NRXN3: variants seen among roughly 807,000 people sequenced by gnomAD.
The protein encoded by NRXN3 is neurexin III.
NRXN3 carries 32 observed loss-of-function variants against 137.6 expected under a neutral mutation model. The ratio of observed to expected loss-of-function variants is 0.23; its 90% confidence interval spans 0.18 to 0.31. The LOEUF (loss-of-function observed/expected upper bound fraction) is 0.31. NRXN3 is among the 10% of genes least tolerant of loss of function. The pLI is 1.00. For missense variants in NRXN3, 1,574 were observed against 2,062.5 expected, an observed-to-expected ratio of 0.76 and a Z score of 4.59; for synonymous variants, 798 against 784.5, an observed-to-expected ratio of 1.02 and a Z score of -0.29.
chr14:78,604,273 C>G (rs2097227307), intron 4 of NRXN3, among the ~76,000 whole-genome samples: 1 of 151,176 alleles, frequency 6.6e-6, no homozygotes, highest in South Asian at 2.1e-4. Flanking sequence ...GGGACACAGC[C>G]AAACCATGTC....
intron 4 of NRXN3, among the ~76,000 whole-genome samples, chr14:78,395,818 G>T (rs914100130): frequency 8.6e-5 from 13 of 151,622 alleles, no homozygotes. Flanking sequence ...GATTTCTTTT[G>T]ATTATCTTTG....
At chr14:79,837,729 T>C (rs951137163) in intron 20 of NRXN3, among the ~76,000 whole-genome samples, 1 of 152,178 alleles carries the variant, frequency 6.6e-6, no homozygotes, top group African/African-American at 2.4e-5. Context: ...GTTCTTGCTT[T>C]TGGATTCTTT....
intron 15 of NRXN3, among the ~76,000 whole-genome samples, chr14:79,408,843 C>T (rs2095361517): frequency 6.6e-6 from 1 of 152,034 alleles, no homozygotes; most frequent in South Asian, 2.1e-4. Context: ...TTTGCATTAA[C>T]TACACTTATA....
intron 15 of NRXN3, among the ~76,000 whole-genome samples, chr14:79,297,614 A>G (rs1443195152): frequency 6.6e-6 from 1 of 152,142 alleles, no homozygotes; most frequent in Non-Finnish European, 1.5e-5. Context: ...GCTGAATTGG[A>G]ATGACAAGAG....
chr14:78,318,049 C>A (rs984636152), intron 4 of NRXN3, among the ~76,000 whole-genome samples: 11 of 152,114 alleles, frequency 7.2e-5, no homozygotes, highest in Admixed American at 2.0e-4. Context: ...TGAAACCAAA[C>A]CCAACTAGGT....
chr14:79,531,644 T>C (rs1255602085), intron 16 of NRXN3, among the ~76,000 whole-genome samples: 2 of 152,130 alleles, frequency 1.3e-5, no homozygotes, highest in African/African-American at 4.8e-5. Flanking sequence ...TATAAGATAG[T>C]GTATGTCTAG....
intron 16 of NRXN3, among the ~76,000 whole-genome samples, chr14:79,506,040 A>T (rs549014982): frequency 1.3e-5 from 2 of 152,332 alleles, no homozygotes; most frequent in African/African-American, 4.8e-5. Context: ...TGATTCTTTG[A>T]AGAATCAAGA....
chr14:78,306,539 C>A lies in NRXN3; in HGVS notation c.757+8679C>A, dbSNP rs566528343. ...GAAAGATACTTAATGAGAGAACAAG[C>A]AAAGTGCATTTCCCCTTGTGCTTAG... On this transcript the variant is annotated intron_variant, in intron 4 of 20. Transcript: ENST00000335750. Among the ~76,000 whole-genome samples the A allele has an allele frequency of 1.8e-4, 27 of 152,252 alleles. No individual in the cohort carries two copies. The East Asian group carries it at 1.9e-3, about 11-fold the overall frequency.
chr14:78,749,720 C>T (rs1052164089), intron 8 of NRXN3, among the ~76,000 whole-genome samples: 24 of 152,194 alleles, frequency 1.6e-4, no homozygotes, highest in Admixed American at 1.2e-3. Flanking sequence ...AAACATCCAA[C>T]TCTGTCCCTC....
At chr14:79,280,063 A>T (rs1211247067) in intron 15 of NRXN3, 5 of 1,345,648 alleles carry the variant, frequency 3.7e-6, no homozygotes, top group Non-Finnish European at 4.8e-6. Context: ...TCTAAATTTC[A>T]GCTCCGGGAA....
chr14:78,295,749 G>A (rs1050902059), intron 3 of NRXN3, among the ~76,000 whole-genome samples: 1 of 152,094 alleles, frequency 6.6e-6, no homozygotes, highest in Non-Finnish European at 1.5e-5. Flanking sequence ...CCAGGTGGCC[G>A]ATGTAGATTG....
intron 15 of NRXN3, among the ~76,000 whole-genome samples, chr14:79,314,484 G>A (rs1165871482): frequency 3.4e-5 from 1 of 29,314 alleles, no homozygotes; most frequent in Non-Finnish European, 6.5e-5. Context: ...AACGAGGCTG[G>A]GGGAGGGGCG....
intron 2 of NRXN3, among the ~76,000 whole-genome samples, chr14:78,263,952 C>T (rs73310347): frequency 0.012 from 1,682 of 138,538 alleles, 32 homozygotes; most frequent in African/African-American, 0.043. Context: ...AATTTTTTTC[C>T]GGGTCAGTTT....
At chr14:79,487,164 G>A (rs940530560) in intron 16 of NRXN3, among the ~76,000 whole-genome samples, 3 of 152,060 alleles carry the variant, frequency 2.0e-5, no homozygotes, top group African/African-American at 4.8e-5. Flanking sequence ...GTTCCATAGG[G>A]GTTGATGTGA....
chr14:79,218,537 A>G (rs1477195683), intron 15 of NRXN3, among the ~76,000 whole-genome samples: 1 of 152,178 alleles, frequency 6.6e-6, no homozygotes, highest in African/African-American at 2.4e-5. Flanking sequence ...GTTAAAGAAG[A>G]GATGACAATG....
chr14:78,209,818 T>G (rs2062569705), intron 1 of NRXN3, among the ~76,000 whole-genome samples: 1 of 152,220 alleles, frequency 6.6e-6, no homozygotes, highest in South Asian at 2.1e-4. Context: ...AACCCTTTGT[T>G]TTAAATTGCA....
At chr14:79,829,924 A>G (rs1181793043) in intron 20 of NRXN3, among the ~76,000 whole-genome samples, 1 of 152,236 alleles carries the variant, frequency 6.6e-6, no homozygotes, top group Non-Finnish European at 1.5e-5. Context: ...GATATGCTCT[A>G]CAGCTTCAAA....
chr14:79,820,685 CCATTGTCTGTCGTTT>C (rs2099269053), intron 20 of NRXN3, among the ~76,000 whole-genome samples: 1 of 26,138 alleles, frequency 3.8e-5, no homozygotes, highest in African/African-American at 2.4e-4. Flanking sequence ...CAAGTAGACT[CCATTGTCTGTCGTTT>C]CCTTGTGTTC....
chr14:79,124,487 A>G (rs191853898), intron 15 of NRXN3, among the ~76,000 whole-genome samples: 41 of 152,316 alleles, frequency 2.7e-4, no homozygotes, highest in Non-Finnish European at 4.7e-4. Context: ...GTGTGCTTGC[A>G]TGCCAGTGAG....
Sources: gnomAD v4.1 joint callset for allele counts (sites outside exome capture counted in the v4.1 genomes callset) on GRCh38, gnomAD v4.1.1 for gene constraint, MANE v1.5 for transcripts, NCBI Gene and HGNC (gene_info 2026-07-23, HGNC 2026-07-21) for gene names.